The following KLHL1 variants were observed in gnomAD, a reference collection of about 807,000 sequenced individuals.
KLHL1 encodes kelch-like protein 1.
KLHL1 carries 47 observed loss-of-function variants against 77.7 expected under a neutral mutation model. The observed-to-expected ratio is 0.60, with a 90% confidence interval of 0.48 to 0.77. The LOEUF (loss-of-function observed/expected upper bound fraction) is 0.77, where lower values mean the gene tolerates loss of function less well. KLHL1 is among the 30% of genes least tolerant of loss of function. The pLI is 0.00. For missense variants in KLHL1, 925 were observed against 910.8 expected, an observed-to-expected ratio of 1.02 and a Z score of -0.20; for synonymous variants, 360 against 325.2, an observed-to-expected ratio of 1.11 and a Z score of -1.15.
At chr13:69,847,455 A>G (rs12428011) in intron 5 of KLHL1, among the ~76,000 whole-genome samples, 141,193 of 150,874 alleles carry the variant, frequency 0.94, 66,300 homozygotes, top group East Asian at 0.99. Context: ...AAAATAGGAG[A>G]TGTACCAAGC....
At chr13:69,848,169 T>C (rs930987279) in intron 5 of KLHL1, among the ~76,000 whole-genome samples, 3 of 151,670 alleles carry the variant, frequency 2.0e-5, no homozygotes, top group South Asian at 2.1e-4. Flanking sequence ...AGAGCTTTGT[T>C]TGACCCTTCC....
At position 69,882,432 on chromosome 13, in the gene KLHL1, T is replaced by C. The variant is rs921407945; in HGVS notation, c.1078A>G (p.Lys360Glu). ...FLLLPAEELH[K>E]LLASDDVNVP... ...TTGACATCATCACTGGCCAGTAGTT[T>C]ATGGAGCTCCTCAGCTGGAAGGAGT... The change falls in exon 5 of 11, where the codon AAA (lysine) becomes GAA (glutamate). Residue 360 changes from lysine (K) to glutamate (E), a missense_variant. Physicochemically the swap from Lys to Glu is moderately conservative, Grantham distance 56. Coordinates refer to ENST00000377844, the MANE Select transcript of KLHL1 (RefSeq NM_020866.3). 4 of 1,613,920 alleles carry C rather than the reference T, an allele frequency of 2.5e-6. No homozygotes were observed. The Middle Eastern group carries it at 5.0e-4, about 200-fold the overall frequency.
intron 4 of KLHL1, among the ~76,000 whole-genome samples, chr13:69,891,197 A>G (rs1188498995): frequency 6.6e-6 from 1 of 152,094 alleles, no homozygotes; most frequent in Non-Finnish European, 1.5e-5. Flanking sequence ...TTACCTAGAT[A>G]CAACTCTGCC....
At chr13:70,060,082 C>A (rs1245525452) in intron 1 of KLHL1, among the ~76,000 whole-genome samples, 2 of 152,006 alleles carry the variant, frequency 1.3e-5, no homozygotes, top group Non-Finnish European at 2.9e-5. Flanking sequence ...TTGGAAAAAT[C>A]CAATAATCTG....
At chr13:69,772,342 A>G (rs1228527947) in intron 7 of KLHL1, among the ~76,000 whole-genome samples, 1 of 152,088 alleles carries the variant, frequency 6.6e-6, no homozygotes, top group Non-Finnish European at 1.5e-5. Context: ...AAAACAATTT[A>G]TAATAGAACA....
At chr13:69,929,255 A>G (rs1326962294) in intron 4 of KLHL1, among the ~76,000 whole-genome samples, 1 of 152,060 alleles carries the variant, frequency 6.6e-6, no homozygotes, top group African/African-American at 2.4e-5. Context: ...ACATTGTTAA[A>G]ACGTCAAGCC....
chr13:70,002,056 C>T (rs1198449800), intron 1 of KLHL1, among the ~76,000 whole-genome samples: 1 of 151,446 alleles, frequency 6.6e-6, no homozygotes, highest in East Asian at 1.9e-4. Flanking sequence ...TTAAAGCAGG[C>T]TATTAGTAAA....
rs1271171204 is a variant in KLHL1 at position 69,883,266 on chromosome 13, T to C, written c.1015-771A>G. On this transcript the variant is annotated intron_variant, in intron 4 of 10. Coordinates refer to ENST00000377844, the MANE Select transcript of KLHL1 (RefSeq NM_020866.3). Reference sequence around the variant, plus strand: ...CTTATATTTTGGTTCAAATTTCTTGTTTAAGCAAGCTGGTGTTCATAATCT... The same window carrying C: ...CTTATATTTTGGTTCAAATTTCTTGCTTAAGCAAGCTGGTGTTCATAATCT... Among the ~76,000 whole-genome samples the C allele has an allele frequency of 3.3e-5, 5 of 152,334 alleles. No individual in the cohort carries two copies. The East Asian group carries it at 9.6e-4, about 29-fold the overall frequency.
At chr13:70,004,631 G>C (rs988951630) in intron 1 of KLHL1, among the ~76,000 whole-genome samples, 3 of 151,804 alleles carry the variant, frequency 2.0e-5, no homozygotes, top group African/African-American at 4.8e-5. Context: ...TATGTACAAA[G>C]ACTTTACATG....
intron 1 of KLHL1, among the ~76,000 whole-genome samples, chr13:70,012,941 A>G (rs1373805878): frequency 6.6e-6 from 1 of 151,926 alleles, no homozygotes; most frequent in East Asian, 1.9e-4. Context: ...AAACTCTATA[A>G]TATACTTTTA....
chr13:70,082,638 G>A (rs1887424783), intron 1 of KLHL1, among the ~76,000 whole-genome samples: 1 of 152,014 alleles, frequency 6.6e-6, no homozygotes, highest in Non-Finnish European at 1.5e-5. Context: ...TTTAAATACA[G>A]GTACATGTGC....
At chr13:70,006,572 C>A (rs1191147522) in intron 1 of KLHL1, among the ~76,000 whole-genome samples, 1 of 150,930 alleles carries the variant, frequency 6.6e-6, no homozygotes, top group Admixed American at 6.6e-5. Context: ...TGGTAGACTC[C>A]ACCAGTGAAG....
intron 1 of KLHL1, among the ~76,000 whole-genome samples, chr13:70,000,472 G>C (rs1885260733): frequency 6.6e-6 from 1 of 151,910 alleles, no homozygotes; most frequent in South Asian, 2.1e-4. Flanking sequence ...AATACCGTTA[G>C]TAAGCCTGAT....
intron 1 of KLHL1, among the ~76,000 whole-genome samples, chr13:70,043,137 T>C (rs1457702730): frequency 1.3e-5 from 2 of 152,100 alleles, no homozygotes; most frequent in African/African-American, 4.8e-5. Context: ...ACTCCCGACC[T>C]CTGGTGATCC....
chr13:69,968,560 T>G (rs1365020832), intron 2 of KLHL1, among the ~76,000 whole-genome samples: 1 of 151,088 alleles, frequency 6.6e-6, no homozygotes, highest in African/African-American at 2.4e-5. Flanking sequence ...AAAAAGAAAT[T>G]GAAGGTATTA....
intron 7 of KLHL1, among the ~76,000 whole-genome samples, chr13:69,779,825 T>G (rs1442434574): frequency 6.6e-6 from 1 of 152,092 alleles, no homozygotes. Context: ...TTATTTTATA[T>G]TTTTTGAGAC....
intron 6 of KLHL1, among the ~76,000 whole-genome samples, chr13:69,825,808 G>A (rs1878521001): frequency 6.6e-6 from 1 of 152,150 alleles, no homozygotes; most frequent in African/African-American, 2.4e-5. Context: ...ACAGAGGGCA[G>A]AGCAAATCTG....
At chr13:69,928,617 T>G (rs1435613430) in intron 4 of KLHL1, among the ~76,000 whole-genome samples, 1 of 152,204 alleles carries the variant, frequency 6.6e-6, no homozygotes, top group Admixed American at 6.5e-5. Flanking sequence ...TACTGATACA[T>G]GGTAAAACAT....
At chr13:69,879,703 G>T (rs1219943969) in intron 5 of KLHL1, among the ~76,000 whole-genome samples, 1 of 151,994 alleles carries the variant, frequency 6.6e-6, no homozygotes, top group Non-Finnish European at 1.5e-5. Context: ...ATTCTGGTTT[G>T]ACATTGAGGC....
Sources: gnomAD v4.1 joint callset for allele counts (sites outside exome capture counted in the v4.1 genomes callset) on GRCh38, gnomAD v4.1.1 for gene constraint, MANE v1.5 for transcripts, NCBI Gene and HGNC (gene_info 2026-07-23, HGNC 2026-07-21) for gene names.